The following UNK variants were observed in gnomAD, a reference collection of about 807,000 sequenced individuals.
The protein encoded by UNK is RING finger protein unkempt homolog.
Under a neutral mutation model 97.6 loss-of-function variants are expected in UNK, and 32 were observed. That is an observed-to-expected ratio of 0.33 (90% confidence interval 0.25 to 0.44). The LOEUF (loss-of-function observed/expected upper bound fraction) is 0.44. Among genes scored for constraint, UNK ranks in the 20% least tolerant of loss-of-function variants. The probability of loss-of-function intolerance (pLI) is 1.00; values close to 1 mark genes in which losing one functional copy is unlikely to be tolerated. For missense variants in UNK, 771 were observed against 1,098.4 expected (o/e 0.70, Z 4.21); for synonymous variants, 441 against 461.2 (o/e 0.96, Z 0.56).
At position 75,809,855 on chromosome 17, in the gene UNK, T is replaced by C; in HGVS notation, c.200T>C (p.Val67Ala). The change falls in exon 2 of 16, where the codon GTG becomes GCG. Residue 67 changes from valine to alanine, a missense_variant. Val to Ala is a moderately conservative substitution (Grantham distance 64, BLOSUM62 0). Transcript: ENST00000589666. Reference protein sequence around the residue: ...RPYTCFHWHFVNQRRRRSIRR... With the variant: ...RPYTCFHWHFANQRRRRSIRR... Reference sequence around the variant, plus strand: ...TACACCTGCTTCCACTGGCACTTCGTGAACCAGCGGCGCCGCCGGTCCATC... The same window carrying C: ...TACACCTGCTTCCACTGGCACTTCGCGAACCAGCGGCGCCGCCGGTCCATC... The C allele has an allele frequency of 6.2e-7, 1 of 1,613,830 alleles. No homozygotes were observed. The highest frequency in any genetic ancestry group is 8.5e-7 in the Non-Finnish European group (1 of 1,179,888).
intron 7 of UNK, 144 bp downstream of exon 7, chr17:75,815,397 G>A: frequency 1.4e-6 from 1 of 705,648 alleles, no homozygotes; most frequent in Non-Finnish European, 2.3e-6. Context: ...TGTCCCCACT[G>A]GAAGCTCCAT....
At position 75,812,558 on chromosome 17, in the gene UNK, A is replaced by T. The variant is rs763509402; in HGVS notation, c.595A>T (p.Ile199Phe). 6.2e-7 allele frequency: 1 copy of T among 1,613,190 alleles called. No homozygotes were observed. Among genetic ancestry groups the T allele is most frequent in the Non-Finnish European group, 8.5e-7 (1 of 1,179,834 alleles). ...GAASHAMIEK[I>F]LSEEPRWQET... The stretch of plus-strand genomic sequence containing the variant: ...TGCGAGCCATGCCATGATAGAAAAG[A>T]TCCTCAGCGAGGAGCCTCGGTGGCA... Residue 199 changes from isoleucine (I) to phenylalanine (F), a missense_variant, in exon 4 of 16, where the codon ATC becomes TTC. By Grantham distance (21) the Ile-to-Phe change is conservative. Around this residue, in one of 5 missense-constraint regions of UNK, gnomAD observed 246 missense variants for 440.7 expected, o/e 0.56. Transcript: ENST00000589666.
intron 1 of UNK, among the ~76,000 whole-genome samples, chr17:75,802,014 A>AT (rs1469491572): frequency 6.6e-6 from 1 of 151,614 alleles, no homozygotes; most frequent in Non-Finnish European, 1.5e-5. Context: ...CGCCTGGGTA[A>AT]TTTTTTGTAT....
intron 2 of UNK, among the ~76,000 whole-genome samples, chr17:75,811,198 G>A (rs967650334): frequency 2.0e-5 from 3 of 152,046 alleles, no homozygotes; most frequent in African/African-American, 7.2e-5. Context: ...TGATCCACCC[G>A]CCTCGGCCTC....
rs778759027 is a variant in UNK at position 75,812,592 on chromosome 17, G to A, written c.622+7G>A. The A allele has an allele frequency of 6.2e-7, 1 of 1,612,200 alleles. No individual in the cohort carries two copies. Among genetic ancestry groups the A allele is most frequent in the East Asian group, 2.2e-5 (1 of 44,868 alleles). On this transcript the variant is annotated splice_region_variant and intron_variant, in intron 4 of 15. Coordinates refer to ENST00000589666, the MANE Select transcript of UNK (RefSeq NM_001080419.3). Reference sequence around the variant, plus strand: ...GAGGAGCCTCGGTGGCAAGGTACAGGCATCCACACCTCGGCCGCGCCCTCC... The same window carrying A: ...GAGGAGCCTCGGTGGCAAGGTACAGACATCCACACCTCGGCCGCGCCCTCC...
chr17:75,799,833 A>G (rs2061839298), intron 1 of UNK, among the ~76,000 whole-genome samples: 1 of 152,176 alleles, frequency 6.6e-6, no homozygotes, highest in Admixed American at 6.6e-5. Context: ...GTGATGGGGC[A>G]TACCAACTGT....
At chr17:75,820,735 G>A (rs2062059934) in intron 13 of UNK, among the ~76,000 whole-genome samples, 1 of 151,878 alleles carries the variant, frequency 6.6e-6, no homozygotes, top group East Asian at 1.9e-4. Context: ...ATCTCCTCTT[G>A]TGTGTGTCAG....
At chr17:75,785,338 C>A in intron 1 of UNK, 1 of 210,566 alleles carries the variant, frequency 4.7e-6, no homozygotes, top group Non-Finnish European at 9.5e-6. Context: ...CAAGACACAA[C>A]CAAGAGGAGT....
intron 2 of UNK, among the ~76,000 whole-genome samples, 191 bp downstream of exon 2, chr17:75,810,160 CT>C (rs907515867): frequency 1.6e-4 from 24 of 152,238 alleles, no homozygotes; most frequent in Non-Finnish European, 7.3e-5. Context: ...CCCTTTCCCA[CT>C]TTTAGGAAAC....
chr17:75,824,408 C>T lies in UNK; in HGVS notation c.2424C>T (p.Leu808=), dbSNP rs888320558. 5 of 1,533,246 alleles carry T rather than the reference C, an allele frequency of 3.3e-6. No homozygotes were observed. The highest frequency in any genetic ancestry group is 1.9e-5 in the Admixed American group (1 of 52,046). 95.0% of individuals were successfully genotyped at this position (1,533,246 alleles called of 1,614,324 possible). A position where few individuals can be genotyped will look rare whatever the true frequency, so the allele number is the denominator to read the frequency against. The change falls in exon 16 of 16, where the codon CTC becomes CTT. Residue 808 remains leucine, a synonymous_variant. Transcript: ENST00000589666. This position sits in a 1 kb window ranked among gnomAD's most constrained non-coding sequence, Gnocchi z 4.9. ...GCCAGCCTGGCCGGGCCCACACCCTCCAGTCGTGACCCTGCAGGCCTGGCC... is the reference window on the plus strand; with the variant it reads ...GCCAGCCTGGCCGGGCCCACACCCTTCAGTCGTGACCCTGCAGGCCTGGCC... The part of the protein sequence containing the change: ...PICQPGRAHT[L]QS
At position 75,816,166 on chromosome 17, in the gene UNK, C is replaced by G. The variant is rs1175113638; in HGVS notation, c.962-604C>G. On this transcript the variant is annotated intron_variant, in intron 7 of 15. Transcript: ENST00000589666. This position sits in a 1 kb window ranked among gnomAD's most constrained non-coding sequence, Gnocchi z 4.0. ...CTTGTGGGACAGTGTGGGTCTGGATCCTCAGCATGATACTGTAGGCCGCCA... is the reference window on the plus strand; with the variant it reads ...CTTGTGGGACAGTGTGGGTCTGGATGCTCAGCATGATACTGTAGGCCGCCA... Among the ~76,000 whole-genome samples the G allele has an allele frequency of 6.6e-6, 1 of 152,016 alleles. No individual in the cohort carries two copies. Among genetic ancestry groups the G allele is most frequent in the East Asian group, 1.9e-4 (1 of 5,192 alleles).
chr17:75,812,687 C>A (rs2061981159), intron 4 of UNK, 102 bp downstream of exon 4: 4 of 1,464,700 alleles, frequency 2.7e-6, no homozygotes, highest in Non-Finnish European at 3.6e-6. Flanking sequence ...TAGCCGAGGC[C>A]CCGACCTGGC....
At chr17:75,788,522 A>G (rs572420041) in intron 1 of UNK, among the ~76,000 whole-genome samples, 1 of 150,902 alleles carries the variant, frequency 6.6e-6, no homozygotes, top group East Asian at 1.9e-4. Flanking sequence ...TTATTTATTT[A>G]GTTGTATTTT....
chr17:75,798,367 C>T (rs2061825991), intron 1 of UNK, among the ~76,000 whole-genome samples: 1 of 152,034 alleles, frequency 6.6e-6, no homozygotes. Flanking sequence ...CCACGCCTGG[C>T]CTAATTTTTG....
In UNK at chr17:75,825,659, G is replaced by C. The variant is rs2062113741; in HGVS notation, c.*1242G>C. On this transcript the variant is annotated 3_prime_UTR_variant, in exon 16 of 16. Coordinates refer to ENST00000589666, the MANE Select transcript of UNK (RefSeq NM_001080419.3). The surrounding 1 kb of genome is among the most constrained non-coding windows in gnomAD (Gnocchi z 4.4). ...GCGGTAGGAACAAGAGGGCTGAGAG[G>C]GTCTGGTCCTGGCCCAGGCTCCCCC... The C allele has an allele frequency of 6.6e-6, 1 of 152,214 alleles. No homozygotes were observed. Among genetic ancestry groups the C allele is most frequent in the Non-Finnish European group, 1.5e-5 (1 of 68,032 alleles). The allele number at this position is 152,214 out of a possible 1,614,324, so 9.4% of individuals were successfully genotyped here. A position where few individuals can be genotyped will look rare whatever the true frequency, so the allele number is the denominator to read the frequency against.
In UNK at chr17:75,818,540, A is replaced by T; in HGVS notation, c.1372-102A>T. 7.5e-7 allele frequency: 1 copy of T among 1,341,048 alleles called. No individual in the cohort carries two copies. The allele number at this position is 1,341,048 out of a possible 1,614,324, so 83.1% of individuals were successfully genotyped here. ...GCATGGGGGCACCCGGACTAGAGCT[A>T]GCACGGGCCATTTCCCTTGCCCCCA... is the stretch of plus-strand genomic sequence containing the variant. On this transcript the variant is annotated intron_variant, in intron 10 of 15. Transcript: ENST00000589666. This position sits in a 1 kb window ranked among gnomAD's most constrained non-coding sequence, Gnocchi z 5.1.
Position 75,818,590 on chromosome 17 carries a change from G to A in UNK, c.1372-52G>A, listed in dbSNP as rs1446047482. 9.1e-6 allele frequency: 14 copies of A among 1,533,052 alleles called. 1 individual carries two copies. The highest frequency in any genetic ancestry group is 2.0e-5 in the Admixed American group (1 of 51,108). The allele number at this position is 1,533,052 out of a possible 1,614,324, so 95.0% of individuals were successfully genotyped here. On this transcript the variant is annotated intron_variant, in intron 10 of 15. Transcript: ENST00000589666. The surrounding 1 kb of genome is among the most constrained non-coding windows in gnomAD (Gnocchi z 5.1). ...AGCCCCTCTCCAGCCTCTCGTCCTG[G>A]CCTCCGTATGCAGGCCTACCATTGC...
At position 75,787,189 on chromosome 17, in the gene UNK, G is replaced by C. The variant is rs1036056738; in HGVS notation, c.104+2205G>C. ...AGGGAGCATGAGGACACATATGATG[G>C]AACCAGCACACTTGCTGGCTCTGAT... On this transcript the variant is annotated intron_variant, in intron 1 of 15. Transcript: ENST00000589666. 1.1e-4 allele frequency among the ~76,000 whole-genome samples: 17 copies of C among 152,194 alleles called. 1 individual carries two copies. The highest frequency in any genetic ancestry group is 7.9e-4 in the Admixed American group (12 of 15,286).
rs531385190 is a variant in UNK at position 75,816,677 on chromosome 17, G to T, written c.962-93G>T. The T allele has an allele frequency of 1.4e-6, 2 of 1,431,616 alleles. No individual in the cohort carries two copies. The highest frequency in any genetic ancestry group is 1.8e-6 in the Non-Finnish European group (2 of 1,081,620). 88.7% of individuals were successfully genotyped at this position (1,431,616 alleles called of 1,614,324 possible). ...AGGAACCTTCCCTTTATGTGCAGGG[G>T]GATTTGTGGTCTCCTTTGGAAGGGA... On this transcript the variant is annotated intron_variant, in intron 7 of 15. Transcript: ENST00000589666. The surrounding 1 kb of genome is among the most constrained non-coding windows in gnomAD (Gnocchi z 4.0).
Sources: gnomAD v4.1 joint callset for allele counts (sites outside exome capture counted in the v4.1 genomes callset) on GRCh38, gnomAD v4.1.1 for gene constraint, gnomAD v4.1.1 regional missense constraint, Gnocchi (gnomAD v3.1) non-coding constraint, MANE v1.5 for transcripts, NCBI Gene and HGNC (gene_info 2026-07-23, HGNC 2026-07-21) for gene names.